The following AHCTF1 variants were observed in gnomAD, a reference collection of about 807,000 sequenced individuals.
The protein encoded by AHCTF1 is AT-hook containing transcription factor 1.
Under a neutral mutation model 248.4 loss-of-function variants are expected in AHCTF1, and 24 were observed. That is an observed-to-expected ratio of 0.10 (90% CI 0.07 to 0.14). The LOEUF (loss-of-function observed/expected upper bound fraction) is 0.14. AHCTF1 is among the 10% of genes least tolerant of loss of function. The probability of loss-of-function intolerance (pLI) is 1.00; values close to 1 mark genes in which losing one functional copy is unlikely to be tolerated. For missense variants in AHCTF1, 2,206 were observed against 2,636.2 expected, an observed-to-expected ratio of 0.84 and a Z score of 3.57; for synonymous variants, 786 against 929.8, an observed-to-expected ratio of 0.85 and a Z score of 2.81.
Position 246,849,779 on chromosome 1 carries a change from T to C in AHCTF1, c.6227A>G (p.Glu2076Gly). The C allele has an allele frequency of 6.2e-7, 1 of 1,613,970 alleles. No individual in the cohort carries two copies. The highest frequency in any genetic ancestry group is 8.5e-7 in the Non-Finnish European group (1 of 1,179,858). The change falls in exon 33 of 36, where the codon GAA becomes GGA. Residue 2076 changes from glutamate to glycine, a missense_variant. Glu to Gly is a moderately conservative substitution (Grantham distance 98, BLOSUM62 -2). Transcript: ENST00000648844. ...CAATCTTTCTTCCTGCTCATTTGTTTCTTTATGTGTCATTTCATCTGTGCG... is the reference window on the plus strand; with the variant it reads ...CAATCTTTCTTCCTGCTCATTTGTTCCTTTATGTGTCATTTCATCTGTGCG... ...EERTDEMTHK[E>G]TNEQEERLLA...
intron 16 of AHCTF1, 126 bp downstream of exon 16, chr1:246,890,830 A>T (rs1365404705): frequency 1.8e-6 from 1 of 556,338 alleles, no homozygotes; most frequent in Non-Finnish European, 2.9e-6. Flanking sequence ...GTTAAGCATA[A>T]ATTAAATTAA....
At chr1:246,857,981 A>C (rs1661226834) in intron 29 of AHCTF1, among the ~76,000 whole-genome samples, 167 bp from the exon 30 acceptor site, 2 of 59,880 alleles carry the variant, frequency 3.3e-5, no homozygotes, top group South Asian at 9.3e-4. Context: ...TTTTTTTGAG[A>C]TGGAGTCTTG....
Position 246,898,221 on chromosome 1 carries a change from G to C in AHCTF1, c.1610C>G (p.Ser537Cys). 1 of 1,612,146 alleles carries C rather than the reference G, an allele frequency of 6.2e-7. No individual in the cohort carries two copies. The highest frequency in any genetic ancestry group is 8.5e-7 in the Non-Finnish European group (1 of 1,179,954). The change falls in exon 12 of 36, where the codon TCC becomes TGC. Residue 537 changes from serine to cysteine, a missense_variant. Physicochemically the swap from Ser to Cys is moderately radical, Grantham distance 112 (BLOSUM62 -1). Around this residue, in one of 6 missense-constraint regions of AHCTF1, gnomAD observed 650 missense variants for 870.8 expected, o/e 0.75. Coordinates refer to ENST00000648844, the MANE Select transcript of AHCTF1 (RefSeq NM_001323342.2). ...AAATCATCTCACTTGGCTTAAACTG[G>C]AAGGCTGAACATCAACAAATCTTGG... ...LSPRFVDVQP[S>C]SLSQEEQLEA...
rs146246798 is a variant in AHCTF1, at chr1:246,902,616, C to G, written c.1026G>C (p.Leu342Phe). 1 of 1,613,076 alleles carries G rather than the reference C, an allele frequency of 6.2e-7. No individual in the cohort carries two copies. Among genetic ancestry groups the G allele is most frequent in the Non-Finnish European group, 8.5e-7 (1 of 1,179,816 alleles). ...ATTTGGTATTACTCGTCTGTCCCCTCAAAGGGAACATGCCACCTGTCAGGT... is the reference window on the plus strand; with the variant it reads ...ATTTGGTATTACTCGTCTGTCCCCTGAAAGGGAACATGCCACCTGTCAGGT... ...TLDLTGGMFP[L>F]RGQTSNTKLL... Residue 342 changes from leucine to phenylalanine, a missense_variant, in exon 8 of 36, where the codon TTG becomes TTC. Coordinates refer to ENST00000648844, the MANE Select transcript of AHCTF1 (RefSeq NM_001323342.2).
intron 26 of AHCTF1, chr1:246,865,370 T>C (rs1214716053): frequency 6.6e-6 from 1 of 152,174 alleles, no homozygotes; most frequent in African/African-American, 2.4e-5. Context: ...TTAGGAGCGG[T>C]AGACCAACAC....
intron 10 of AHCTF1, among the ~76,000 whole-genome samples, 194 bp downstream of exon 10, chr1:246,899,871 A>C (rs1217148218): frequency 2.0e-5 from 3 of 148,810 alleles, no homozygotes. Flanking sequence ...AAATATCTCC[A>C]AGTCATAATT....
Position 246,902,537 on chromosome 1 carries a change from C to G in AHCTF1, c.1105G>C (p.Gly369Arg). The change falls in exon 8 of 36, where the codon GGC becomes CGC. Residue 369 changes from glycine to arginine, a missense_variant. This residue lies in a region of AHCTF1 where 650 missense variants were observed against 870.8 expected (regional missense o/e 0.75). Transcript: ENST00000648844. ...TACTTTAACTAACCTTCATTCACGC[C>G]TTCCTCCCTGTCACCATGAGATCGA... is the stretch of plus-strand genomic sequence containing the variant. ...KFRSHGDREE[G>R]VNEALSPDTS... 1 of 1,610,152 alleles carries G rather than the reference C, an allele frequency of 6.2e-7. No individual in the cohort carries two copies. The highest frequency in any genetic ancestry group is 1.1e-5 in the South Asian group (1 of 90,626).
At position 246,902,535 on chromosome 1, in the gene AHCTF1, G is replaced by A. The variant is rs138732353; in HGVS notation, c.1107C>T (p.Gly369=). 2.9e-4 allele frequency: 461 copies of A among 1,608,734 alleles called. No individual in the cohort carries two copies. The highest frequency in any genetic ancestry group is 1.6e-3 in the African/African-American group (119 of 74,714). Residue 369 remains glycine (G), a synonymous_variant, in exon 8 of 36, where the codon GGC becomes GGT. Transcript: ENST00000648844. ...AGTACTTTAACTAACCTTCATTCACGCCTTCCTCCCTGTCACCATGAGATC... is the reference window on the plus strand; with the variant it reads ...AGTACTTTAACTAACCTTCATTCACACCTTCCTCCCTGTCACCATGAGATC... The part of the protein sequence containing the change: ...KFRSHGDREE[G]VNEALSPDTS...
intron 33 of AHCTF1, among the ~76,000 whole-genome samples, chr1:246,847,867 G>A (rs1192821810): frequency 6.6e-6 from 1 of 152,132 alleles, no homozygotes; most frequent in Non-Finnish European, 1.5e-5. Flanking sequence ...TCCAGGTCCT[G>A]AGGAGTGTAT....
chr1:246,876,159 C>G lies in AHCTF1; in HGVS notation c.2966G>C (p.Arg989Thr), dbSNP rs779553793. The change falls in exon 24 of 36, where the codon AGA becomes ACA. Residue 989 changes from arginine (R) to threonine (T), a missense_variant. This residue lies in a region of AHCTF1 where 955 missense variants were observed against 1,055.6 expected (regional missense o/e 0.90). Coordinates refer to ENST00000648844, the MANE Select transcript of AHCTF1 (RefSeq NM_001323342.2). ...TAATATAGAATTTCGAGCCAGTGAT[C>G]TCTCCCGCAAACGAGGATCACGATC... ...MNDRDPRLRE[R>T]SLARNSILDQ... 14 of 1,601,326 alleles carry G rather than the reference C, an allele frequency of 8.7e-6. No homozygotes were observed. Among genetic ancestry groups the G allele is most frequent in the Admixed American group, 1.7e-5 (1 of 58,854 alleles).
chr1:246,883,910 C>T (rs1663630422), intron 21 of AHCTF1, among the ~76,000 whole-genome samples: 1 of 152,100 alleles, frequency 6.6e-6, no homozygotes, highest in South Asian at 2.1e-4. Flanking sequence ...GAAACATGCT[C>T]TGGATGAATT....
rs557262592 is a variant in AHCTF1 at position 246,867,585 on chromosome 1, G to C, written c.3239+76C>G. On this transcript the variant is annotated intron_variant, in intron 25 of 35. Transcript: ENST00000648844. ...CTAATAAACTTAGGCAAAGAGAGTGGATTGTTGATGAACGCTGTTGATGTC... is the reference window on the plus strand; with the variant it reads ...CTAATAAACTTAGGCAAAGAGAGTGCATTGTTGATGAACGCTGTTGATGTC... The C allele has an allele frequency of 1.1e-5, 16 of 1,520,968 alleles. No homozygotes were observed. In the South Asian group the frequency reaches 1.9e-4, roughly 18 times the overall value. The allele number at this position is 1,520,968 out of a possible 1,614,324, so 94.2% of individuals were successfully genotyped here.
rs1329161706 is a variant in AHCTF1, at chr1:246,863,985, G to A, written c.3479C>T (p.Ser1160Leu). Reference protein sequence around the residue: ...SLPSSSQLKGSPQAISRASEL... With the variant: ...SLPSSSQLKGLPQAISRASEL... ...TGAAGCCCTGGAGATGGCCTGAGGCGATCCTTTTAATTGCGAACTTGAGGG... is the reference window on the plus strand; with the variant it reads ...TGAAGCCCTGGAGATGGCCTGAGGCAATCCTTTTAATTGCGAACTTGAGGG... Residue 1160 changes from serine (S) to leucine (L), a missense_variant, in exon 27 of 36, where the codon TCG (serine) becomes TTG (leucine). Coordinates refer to ENST00000648844, the MANE Select transcript of AHCTF1 (RefSeq NM_001323342.2). The A allele has an allele frequency of 6.0e-5, 97 of 1,613,948 alleles. No individual in the cohort carries two copies. The highest frequency in any genetic ancestry group is 3.3e-4 in the Middle Eastern group (2 of 6,080).
intron 24 of AHCTF1, among the ~76,000 whole-genome samples, chr1:246,868,967 G>C (rs192775568): frequency 0.025 from 3,734 of 149,598 alleles, 61 homozygotes; most frequent in African/African-American, 0.044. Flanking sequence ...GCCTCAGCCT[G>C]CTGAGTAGCT....
At chr1:246,911,675 G>A (rs767055835) in intron 4 of AHCTF1, among the ~76,000 whole-genome samples, 3 of 151,710 alleles carry the variant, frequency 2.0e-5, no homozygotes, top group Non-Finnish European at 4.4e-5. Context: ...GTAGAGACGG[G>A]GTTTCTCCAT....
At chr1:246,923,325 G>A (rs2493606) in intron 1 of AHCTF1, among the ~76,000 whole-genome samples, 2 of 152,008 alleles carry the variant, frequency 1.3e-5, no homozygotes, top group East Asian at 3.9e-4. Flanking sequence ...TGAGGCATGA[G>A]AACTGCTTGA....
intron 26 of AHCTF1, 187 bp from the exon 27 acceptor site, chr1:246,864,303 G>A (rs923355268): frequency 5.0e-6 from 3 of 603,810 alleles, no homozygotes; most frequent in African/African-American, 1.9e-5. Flanking sequence ...TCGCAAAACA[G>A]AATTAAGAAC....
chr1:246,905,288 AG>A (rs1665299451), intron 6 of AHCTF1, among the ~76,000 whole-genome samples: 2 of 152,180 alleles, frequency 1.3e-5, no homozygotes, highest in Non-Finnish European at 2.9e-5. Flanking sequence ...TCATGAGGTC[AG>A]GAGTTCAAGA....
chr1:246,891,649 A>C, intron 15 of AHCTF1, 130 bp downstream of exon 15: 1 of 919,574 alleles, frequency 1.1e-6, no homozygotes, highest in Non-Finnish European at 1.6e-6. Flanking sequence ...ACAAACAAAA[A>C]CCCTAGCACT....
Sources: gnomAD v4.1 joint callset for allele counts (sites outside exome capture counted in the v4.1 genomes callset) on GRCh38, gnomAD v4.1.1 for gene constraint, gnomAD v4.1.1 regional missense constraint, MANE v1.5 for transcripts, NCBI Gene and HGNC (gene_info 2026-07-23, HGNC 2026-07-21) for gene names.